PLXNA4: variants seen among roughly 807,000 people sequenced by gnomAD.
The protein encoded by PLXNA4 is plexin A4, also known as plexin-A4.
In PLXNA4, 44 loss-of-function variants were observed where a neutral mutation model predicts 191.8. The ratio of observed to expected loss-of-function variants is 0.23; its 90% CI spans 0.18 to 0.29. The LOEUF is 0.29. PLXNA4 is among the 10% of genes least tolerant of loss of function. The probability of loss-of-function intolerance (pLI) is 1.00; values close to 1 mark genes in which losing one functional copy is unlikely to be tolerated. For synonymous variants in PLXNA4, 1,082 were observed against 1,009.5 expected, an observed-to-expected ratio of 1.07 and a Z score of -1.36; for missense variants, 1,800 against 2,488.8, an observed-to-expected ratio of 0.72 and a Z score of 5.89.
At chr7:132,263,664 G>A (rs1042470829) in intron 4 of PLXNA4, among the ~76,000 whole-genome samples, 1 of 152,212 alleles carries the variant, frequency 6.6e-6, no homozygotes. Context: ...CTCCAGATGA[G>A]ATTTTAGGAT....
At chr7:132,643,290 A>G (rs1372231014) in intron 2 of PLXNA4, among the ~76,000 whole-genome samples, 2 of 152,160 alleles carry the variant, frequency 1.3e-5, no homozygotes, top group Non-Finnish European at 1.5e-5. Flanking sequence ...GAGAAAGATC[A>G]TAAACTCCTC....
At chr7:132,168,282 G>T (rs758767050) in intron 22 of PLXNA4, 22 bp downstream of exon 22, 3 of 1,507,744 alleles carry the variant, frequency 2.0e-6, no homozygotes, top group South Asian at 2.7e-5. Flanking sequence ...CTGGAGCAGG[G>T]TGCCCCAGAC....
At chr7:132,144,631 C>A in intron 29 of PLXNA4, among the ~76,000 whole-genome samples, 1 of 152,176 alleles carries the variant, frequency 6.6e-6, no homozygotes, top group East Asian at 1.9e-4. Flanking sequence ...CATTGCCCTT[C>A]TAAGATCTGG....
At chr7:132,563,353 CCTCCTT>C (rs1801443920) in intron 1 of PLXNA4, among the ~76,000 whole-genome samples, 1 of 111,098 alleles carries the variant, frequency 9.0e-6, no homozygotes, top group Admixed American at 8.7e-5. Flanking sequence ...TCCTCTTTCT[CCTCCTT>C]CTCCTCCTCC....
At chr7:132,346,771 T>TAC (rs1362063798) in intron 3 of PLXNA4, among the ~76,000 whole-genome samples, 1 of 152,204 alleles carries the variant, frequency 6.6e-6, no homozygotes, top group East Asian at 1.9e-4. Context: ...AATTTACACA[T>TAC]ACACACACAC....
intron 3 of PLXNA4, among the ~76,000 whole-genome samples, chr7:132,401,237 G>A (rs1054533156): frequency 2.6e-5 from 4 of 152,208 alleles, no homozygotes; most frequent in Non-Finnish European, 5.9e-5. Context: ...ACGTGGAGGG[G>A]AGAACTGAGT....
At chr7:132,467,820 C>A (rs1796767945) in intron 3 of PLXNA4, among the ~76,000 whole-genome samples, 1 of 152,180 alleles carries the variant, frequency 6.6e-6, no homozygotes, top group Admixed American at 6.5e-5. Flanking sequence ...GTGAAACAGA[C>A]CATCCCTGGA....
chr7:132,372,099 T>C (rs1804464569), intron 3 of PLXNA4, among the ~76,000 whole-genome samples: 1 of 152,190 alleles, frequency 6.6e-6, no homozygotes, highest in Non-Finnish European at 1.5e-5. Flanking sequence ...CCAGCTGTAC[T>C]CAAGGTGGTC....
chr7:132,455,312 G>A (rs766807568), intron 3 of PLXNA4, among the ~76,000 whole-genome samples: 1 of 152,174 alleles, frequency 6.6e-6, no homozygotes, highest in Non-Finnish European at 1.5e-5. Context: ...TCAGGGGTGG[G>A]GAGGGGCGCC....
At chr7:132,137,419 T>G (rs1050872054) in intron 30 of PLXNA4, among the ~76,000 whole-genome samples, 1 of 150,798 alleles carries the variant, frequency 6.6e-6, no homozygotes, top group African/African-American at 2.5e-5. Context: ...AATCAATCAC[T>G]ACTAAAGTAT....
intron 25 of PLXNA4, 91 bp from the exon 26 acceptor site, chr7:132,148,737 G>T: frequency 6.4e-7 from 1 of 1,562,958 alleles, no homozygotes; most frequent in Non-Finnish European, 8.7e-7. Context: ...TGCAGTGCTA[G>T]CTCAAGGGTG....
At chr7:132,159,015 G>T (rs1344759891) in intron 25 of PLXNA4, among the ~76,000 whole-genome samples, 1 of 152,290 alleles carries the variant, frequency 6.6e-6, no homozygotes, top group African/African-American at 2.4e-5. Flanking sequence ...CCCTCAAGCT[G>T]TAGGTATTCA....
At chr7:132,145,027 C>G (rs1795377082) in intron 29 of PLXNA4, 92 bp downstream of exon 29, 1 of 1,585,334 alleles carries the variant, frequency 6.3e-7, no homozygotes, top group South Asian at 1.1e-5. Flanking sequence ...CTGGCCAGCC[C>G]TTCTCCTGGA....
At chr7:132,315,439 A>T (rs907825375) in intron 3 of PLXNA4, among the ~76,000 whole-genome samples, 1 of 152,224 alleles carries the variant, frequency 6.6e-6, no homozygotes, top group African/African-American at 2.4e-5. Context: ...AATAAACTTT[A>T]TTGAATTAAT....
In PLXNA4 at chr7:132,202,350, A is replaced by G. The variant is rs191440323; in HGVS notation, c.2586+296T>C. 3.3e-5 allele frequency among the ~76,000 whole-genome samples: 5 copies of G among 152,288 alleles called. No homozygotes were observed. The East Asian group carries it at 9.7e-4, about 29-fold the overall frequency. ...CTTGCCACCGAGGCTCTTAGAGACA[A>G]AGGAAGGGGCTGGCGAGGACTGAGT... On this transcript the variant is annotated intron_variant, in intron 12 of 31. Coordinates refer to ENST00000321063, the MANE Select transcript of PLXNA4 (RefSeq NM_020911.2).
intron 3 of PLXNA4, among the ~76,000 whole-genome samples, chr7:132,372,470 G>A (rs1804485750): frequency 6.6e-6 from 1 of 152,184 alleles, no homozygotes; most frequent in Non-Finnish European, 1.5e-5. Flanking sequence ...TCTGAAGGAG[G>A]TCAGGTAGAT....
chr7:132,314,286 T>C (rs1171141814), intron 3 of PLXNA4, among the ~76,000 whole-genome samples: 3 of 152,198 alleles, frequency 2.0e-5, no homozygotes, highest in Non-Finnish European at 4.4e-5. Flanking sequence ...CTATGTCAAA[T>C]TAAAAATCCA....
intron 3 of PLXNA4, among the ~76,000 whole-genome samples, chr7:132,389,163 T>C (rs188927810): frequency 2.2e-3 from 338 of 152,342 alleles, no homozygotes; most frequent in Non-Finnish European, 3.5e-3. Flanking sequence ...TTCTGGATAC[T>C]AGCCCTTTGT....
intron 2 of PLXNA4, among the ~76,000 whole-genome samples, chr7:132,589,787 A>T (rs559196070): frequency 2.0e-5 from 3 of 152,348 alleles, no homozygotes; most frequent in Non-Finnish European, 4.4e-5. Flanking sequence ...ACATGAAGAA[A>T]ACTAAAACAT....
Sources: gnomAD v4.1 joint callset for allele counts (sites outside exome capture counted in the v4.1 genomes callset) on GRCh38, gnomAD v4.1.1 for gene constraint, MANE v1.5 for transcripts, NCBI Gene and HGNC (gene_info 2026-07-23, HGNC 2026-07-21) for gene names.